ABCB10: variants seen among roughly 807,000 people sequenced by gnomAD.
ABCB10 encodes the protein ATP binding cassette subfamily B member 10, also known as ATP-binding cassette sub-family B member 10, mitochondrial.
ABCB10 carries 54 observed loss-of-function variants against 65.4 expected under a neutral mutation model. That is an observed-to-expected ratio of 0.83 (90% CI 0.66 to 1.04). The LOEUF is 1.04. Ranked by LOEUF, ABCB10 falls within the 50% of genes least tolerant of loss-of-function variation. The pLI is 0.00. For missense variants in ABCB10, 846 were observed against 976.6 expected, an observed-to-expected ratio of 0.87 and a Z score of 1.78; for synonymous variants, 418 against 406.5, an observed-to-expected ratio of 1.03 and a Z score of -0.34.
intron 1 of ABCB10, among the ~76,000 whole-genome samples, chr1:229,552,417 T>C (rs543789418): frequency 6.6e-6 from 1 of 152,356 alleles, no homozygotes; most frequent in South Asian, 2.1e-4. Context: ...CACCCTTGCC[T>C]GATGCGGCCC....
chr1:229,554,089 CTT>C (rs1663185751), intron 1 of ABCB10, among the ~76,000 whole-genome samples: 1 of 152,182 alleles, frequency 6.6e-6, no homozygotes, highest in African/African-American at 2.4e-5. Context: ...AGAAAGGTAA[CTT>C]TGGTTTTTAG....
chr1:229,552,371 C>T (rs746859248), intron 1 of ABCB10, among the ~76,000 whole-genome samples: 3 of 152,218 alleles, frequency 2.0e-5, no homozygotes, highest in Non-Finnish European at 2.9e-5. Context: ...AATTCTCCCA[C>T]ACCTTTTCTC....
At chr1:229,557,311 C>T (rs1415571322) in intron 1 of ABCB10, among the ~76,000 whole-genome samples, 1 of 152,218 alleles carries the variant, frequency 6.6e-6, no homozygotes, top group Non-Finnish European at 1.5e-5. Context: ...ATGCTTCTCC[C>T]CACTAACCTA....
At chr1:229,534,802 G>A (rs1188506674) in intron 6 of ABCB10, among the ~76,000 whole-genome samples, 1 of 150,538 alleles carries the variant, frequency 6.6e-6, no homozygotes, top group Non-Finnish European at 1.5e-5. Flanking sequence ...ACCTGGGGGG[G>A]TGGAGGTTGC....
chr1:229,555,270 G>T (rs564156991), intron 1 of ABCB10, among the ~76,000 whole-genome samples: 1 of 152,316 alleles, frequency 6.6e-6, no homozygotes, highest in African/African-American at 2.4e-5. Context: ...ACAGCCAGAC[G>T]GTTCTGATGA....
chr1:229,541,008 TA>T (rs1358503977), intron 4 of ABCB10, among the ~76,000 whole-genome samples: 1 of 152,126 alleles, frequency 6.6e-6, no homozygotes, highest in Non-Finnish European at 1.5e-5. Flanking sequence ...AATCTATACC[TA>T]AACATATCAG....
At chr1:229,524,350 A>AG (rs913319299) in intron 10 of ABCB10, among the ~76,000 whole-genome samples, 5 of 152,050 alleles carry the variant, frequency 3.3e-5, no homozygotes, top group South Asian at 2.1e-4. Flanking sequence ...TTTGGTAGAG[A>AG]GGGGGTCTCA....
At chr1:229,552,050 A>G (rs1262131547) in intron 1 of ABCB10, among the ~76,000 whole-genome samples, 1 of 152,234 alleles carries the variant, frequency 6.6e-6, no homozygotes, top group East Asian at 1.9e-4. Context: ...ACATAGTAAT[A>G]ATGCTGATTA....
At position 229,549,579 on chromosome 1, in the gene ABCB10, C is replaced by T. The variant is rs909008405; in HGVS notation, c.518-145G>A. ...TAGCAGTTTCCTCCCTTTTGCTCCT[C>T]GATCTCTGACTCAAGGGAAGAACCA... On this transcript the variant is annotated intron_variant, in intron 1 of 12. Coordinates refer to ENST00000344517, the MANE Select transcript of ABCB10 (RefSeq NM_012089.3). 3 of 766,854 alleles carry T rather than the reference C, an allele frequency of 3.9e-6. No individual in the cohort carries two copies. The African/African-American group carries it at 5.3e-5, about 13-fold the overall frequency. 47.5% of individuals were successfully genotyped at this position (766,854 alleles called of 1,614,324 possible).
chr1:229,536,412 C>T (rs897213561), intron 6 of ABCB10, among the ~76,000 whole-genome samples: 1 of 151,934 alleles, frequency 6.6e-6, no homozygotes. Flanking sequence ...GAGGCTGAGG[C>T]GGAAGGATCA....
rs1342125307 is a variant in ABCB10, at chr1:229,558,475, A to G, written c.178T>C (p.Trp60Arg). ...RLWGAGPALL[W>R]GVGAARRWRS... ...CAGCGGCGCGCGGCTCCAACGCCCC[A>G]GAGCAGCGCGGGCCCCGCGCCCCAT... The change falls in exon 1 of 13, where the codon TGG (tryptophan) becomes CGG (arginine). Residue 60 changes from tryptophan to arginine, a missense_variant. Coordinates refer to ENST00000344517, the MANE Select transcript of ABCB10 (RefSeq NM_012089.3). The G allele has an allele frequency of 1.6e-6, 2 of 1,273,732 alleles. No homozygotes were observed. The highest frequency in any genetic ancestry group is 9.9e-7 in the Non-Finnish European group (1 of 1,011,434). The allele number at this position is 1,273,732 out of a possible 1,614,324, so 78.9% of individuals were successfully genotyped here.
At chr1:229,526,911 G>C (rs531024174) in intron 9 of ABCB10, among the ~76,000 whole-genome samples, 17 of 152,180 alleles carry the variant, frequency 1.1e-4, no homozygotes, top group Admixed American at 2.0e-4. Context: ...AATGGGAAGT[G>C]GGGAAGAATC....
intron 1 of ABCB10, among the ~76,000 whole-genome samples, chr1:229,557,577 TACTC>T (rs924208338): frequency 6.6e-6 from 1 of 152,264 alleles, no homozygotes; most frequent in Non-Finnish European, 1.5e-5. Context: ...TTAAAAAAGT[TACTC>T]AATTACTGAA....
intron 10 of ABCB10, among the ~76,000 whole-genome samples, chr1:229,522,387 T>C (rs753460468): frequency 7.3e-5 from 11 of 151,280 alleles, no homozygotes; most frequent in African/African-American, 2.4e-4. Flanking sequence ...TTAAAATTTT[T>C]TGGAGACATG....
chr1:229,531,549 C>T (rs1175611897), intron 7 of ABCB10, 87 bp downstream of exon 7: 1 of 1,318,390 alleles, frequency 7.6e-7, no homozygotes, highest in Non-Finnish European at 1.1e-6. Flanking sequence ...GCTCATCCCT[C>T]ACTCCCTTGC....
At chr1:229,531,564 A>G (rs1287121584) in intron 7 of ABCB10, 72 bp downstream of exon 7, 6 of 1,439,316 alleles carry the variant, frequency 4.2e-6, no homozygotes, top group South Asian at 1.2e-5. Flanking sequence ...CCTTGCAGAC[A>G]GGGGAAGAGC....
intron 8 of ABCB10, among the ~76,000 whole-genome samples, chr1:229,528,219 T>C (rs1211228405): frequency 6.6e-6 from 1 of 152,212 alleles, no homozygotes; most frequent in Non-Finnish European, 1.5e-5. Context: ...ATGGCAGACA[T>C]TTAACTGCAG....
rs150546926 is a variant in ABCB10, at chr1:229,518,869, T to C, written c.1957A>G (p.Lys653Glu). The C allele has an allele frequency of 1.9e-6, 3 of 1,600,070 alleles. No homozygotes were observed. The highest frequency in any genetic ancestry group is 2.6e-6 in the Non-Finnish European group (3 of 1,173,520). ...AIARALLKNP[K>E]ILLLDEATSA... ...GTTGCTTCATCTAGGAGAAGAATTT[T>C]GGGATTCTGAAGAAGGAAAAAAAAG... Residue 653 changes from lysine (K) to glutamate (E), a missense_variant, in exon 12 of 13, where the codon AAA (lysine) becomes GAA (glutamate). Transcript: ENST00000344517.
chr1:229,548,255 C>T (rs753373659), intron 2 of ABCB10, among the ~76,000 whole-genome samples: 1 of 152,156 alleles, frequency 6.6e-6, no homozygotes, highest in Non-Finnish European at 1.5e-5. Flanking sequence ...CCTCCTGCCT[C>T]AGCCTCCCAA....
Sources: allele counts gnomAD v4.1 joint callset (sites outside exome capture counted in the v4.1 genomes callset), GRCh38; gene constraint gnomAD v4.1.1; transcripts MANE v1.5; gene names NCBI Gene and HGNC (gene_info 2026-07-23, HGNC 2026-07-21).